Variants in ANAPC1 observed in about 807,000 individuals in gnomAD.
The protein encoded by ANAPC1 is anaphase promoting complex subunit 1, also known as anaphase-promoting complex subunit 1.
In ANAPC1, 36 loss-of-function variants were observed where a neutral mutation model predicts 208.0. The observed-to-expected ratio is 0.17, with a 90% confidence interval of 0.13 to 0.23. The LOEUF (loss-of-function observed/expected upper bound fraction) is 0.23, where lower values mean the gene tolerates loss of function less well. ANAPC1 is among the 10% of genes least tolerant of loss of function. ANAPC1 has a pLI of 1.00. For missense variants in ANAPC1, 942 were observed against 2,011.6 expected, an observed-to-expected ratio of 0.47 and a Z score of 10.17; for synonymous variants, 378 against 695.2, an observed-to-expected ratio of 0.54 and a Z score of 7.18.
chr2:111,847,616 T>C (rs1681164043), intron 15 of ANAPC1, 109 bp downstream of exon 15: 1 of 1,321,144 alleles, frequency 7.6e-7, no homozygotes. Context: ...AATAGATTTT[T>C]TTAAATCATG....
At chr2:111,840,118 A>G (rs1245765224) in intron 17 of ANAPC1, among the ~76,000 whole-genome samples, 1 of 152,228 alleles carries the variant, frequency 6.6e-6, no homozygotes, top group Admixed American at 6.5e-5. Context: ...CGGAAGCCAC[A>G]AAAAGTTAAC....
intron 6 of ANAPC1, among the ~76,000 whole-genome samples, chr2:111,869,246 GTTAT>G (rs1011455821): frequency 6.9e-6 from 1 of 144,772 alleles, no homozygotes; most frequent in South Asian, 2.3e-4. Context: ...ACTGAATCTT[GTTAT>G]TTATTTTTTT....
rs1382661395 is a variant in ANAPC1, at chr2:111,832,065, G to A, written c.2477-631C>T. 3.4e-5 allele frequency among the ~76,000 whole-genome samples: 5 copies of A among 147,790 alleles called. No homozygotes were observed. In the East Asian group the frequency reaches 7.9e-4, roughly 23 times the overall value. On this transcript the variant is annotated intron_variant, in intron 20 of 47. Transcript: ENST00000341068. ...CCCAGCCCCTTGGGAGGCTGAGTCA[G>A]GTGGATCACTTGAGGTCAGGAGTTC... is the stretch of plus-strand genomic sequence containing the variant.
At chr2:111,868,785 G>A (rs1217176426) in intron 6 of ANAPC1, among the ~76,000 whole-genome samples, 13 of 152,084 alleles carry the variant, frequency 8.5e-5, no homozygotes, top group Non-Finnish European at 1.3e-4. Context: ...CACCTGCCTC[G>A]GCCTCCCAGA....
At chr2:111,785,817 T>C (rs1360554788) in intron 39 of ANAPC1, among the ~76,000 whole-genome samples, 1 of 149,708 alleles carries the variant, frequency 6.7e-6, no homozygotes, top group Non-Finnish European at 1.5e-5. Context: ...CTACTCAACA[T>C]AGGCATCTGT....
intron 37 of ANAPC1, 145 bp from the exon 38 acceptor site, chr2:111,792,700 C>T: frequency 1.8e-6 from 1 of 556,840 alleles, no homozygotes; most frequent in South Asian, 2.5e-5. Flanking sequence ...CGCCTGTAAT[C>T]CCAGCACTTT....
In ANAPC1 at chr2:111,791,528, G is replaced by A. The variant is rs189125540; in HGVS notation, c.4712+834C>T. ...GCAAGAAGCATATCCATCAATGGGG[G>A]AGATCAATAAAATGTGGTAGTCATA... On this transcript the variant is annotated intron_variant, in intron 38 of 47. Coordinates refer to ENST00000341068, the MANE Select transcript of ANAPC1 (RefSeq NM_022662.4). 4.1e-4 allele frequency among the ~76,000 whole-genome samples: 62 copies of A among 152,240 alleles called. 1 individual carries two copies. The highest frequency in any genetic ancestry group is 6.2e-4 in the South Asian group (3 of 4,818).
At chr2:111,868,955 A>G (rs1340433949) in intron 6 of ANAPC1, among the ~76,000 whole-genome samples, 1 of 152,214 alleles carries the variant, frequency 6.6e-6, no homozygotes, top group East Asian at 1.9e-4. Flanking sequence ...TACCTCTTGC[A>G]CCACAACATG....
intron 21 of ANAPC1, among the ~76,000 whole-genome samples, 194 bp from the exon 22 acceptor site, chr2:111,826,049 T>G (rs1679814749): frequency 6.6e-6 from 1 of 152,148 alleles, no homozygotes; most frequent in Admixed American, 6.5e-5. Flanking sequence ...GCTTATTATT[T>G]TATATTATTT....
At chr2:111,829,505 G>A (rs149524480) in intron 21 of ANAPC1, among the ~76,000 whole-genome samples, 2,908 of 152,186 alleles carry the variant, frequency 0.019, 36 homozygotes, top group Non-Finnish European at 0.031. Context: ...GCCCACAAGG[G>A]GCCTATGAGC....
rs768015954 is a variant in ANAPC1 at position 111,868,079 on chromosome 2, A to G, written c.629T>C (p.Met210Thr). Residue 210 changes from methionine (M) to threonine (T), a missense_variant, in exon 7 of 48, where the codon ATG (methionine) becomes ACG (threonine). Transcript: ENST00000341068. ...PGSPREPLPT[M>T]FSMLHPLDEI... The stretch of plus-strand genomic sequence containing the variant: ...ATCTAGTGGGTGCAGCATGCTGAAC[A>G]TAGTAGGTAAAGGTTCTCTAGCAAT... The G allele has an allele frequency of 1.9e-6, 3 of 1,595,280 alleles. No homozygotes were observed. Among genetic ancestry groups the G allele is most frequent in the African/African-American group, 2.7e-5 (2 of 74,354 alleles).
At position 111,769,973 on chromosome 2, in the gene ANAPC1, C is replaced by T. The variant is rs1360420641; in HGVS notation, c.5720-567G>A. Among the ~76,000 whole-genome samples the T allele has an allele frequency of 3.3e-5, 5 of 151,822 alleles. No homozygotes were observed. In the South Asian group the frequency reaches 6.2e-4, roughly 19 times the overall value. ...CTGGGATTACAGGCGTGAGCCACTG[C>T]GCCCAGCCTCGGCTGAGCATTCTTA... On this transcript the variant is annotated intron_variant, in intron 47 of 47. Transcript: ENST00000341068.
chr2:111,846,089 C>T (rs1467982661), intron 16 of ANAPC1, among the ~76,000 whole-genome samples: 2 of 151,784 alleles, frequency 1.3e-5, no homozygotes, highest in Admixed American at 1.3e-4. Flanking sequence ...TTCTTGTCTA[C>T]AATCTGCCAA....
At chr2:111,883,208 TAAAAG>T (rs1313793366) in intron 1 of ANAPC1, among the ~76,000 whole-genome samples, 3 of 146,778 alleles carry the variant, frequency 2.0e-5, no homozygotes, top group East Asian at 2.0e-4. Context: ...AAAAAAACCT[TAAAAG>T]AAAACAAAAT....
Position 111,831,319 on chromosome 2 carries a change from A to G in ANAPC1, c.2592T>C (p.Pro864=), listed in dbSNP as rs1408081762. 2.5e-6 allele frequency: 4 copies of G among 1,611,856 alleles called. No individual in the cohort carries two copies. The highest frequency in any genetic ancestry group is 3.4e-6 in the Non-Finnish European group (4 of 1,179,786). The part of the protein sequence containing the change: ...GEGMPPYPYL[P]GICERSRLVV... ...CAAGTCTGCTTCTTTCACAGATTCC[A>G]GGGAGGTAAGGATAAGGTGGCATTC... is the stretch of plus-strand genomic sequence containing the variant. Residue 864 remains proline, a synonymous_variant, in exon 21 of 48, where the codon CCT becomes CCC. Transcript: ENST00000341068.
chr2:111,785,831 T>C (rs1295930235), intron 39 of ANAPC1, among the ~76,000 whole-genome samples: 1 of 147,114 alleles, frequency 6.8e-6, no homozygotes, highest in Non-Finnish European at 1.5e-5. Context: ...CATCTGTTTT[T>C]ATCTTCTCAG....
intron 13 of ANAPC1, among the ~76,000 whole-genome samples, chr2:111,853,998 G>A (rs1286115865): frequency 1.3e-5 from 2 of 152,142 alleles, no homozygotes; most frequent in Non-Finnish European, 2.9e-5. Flanking sequence ...TTACAGGTGT[G>A]AGCTGCCACG....
At chr2:111,769,679 CTTTT>C (rs767767639) in intron 47 of ANAPC1, among the ~76,000 whole-genome samples, 1 of 83,252 alleles carries the variant, frequency 1.2e-5, no homozygotes, top group Admixed American at 1.5e-4. Context: ...TACTGGCTTT[CTTTT>C]TTTTTTTTTT....
At chr2:111,833,372 G>T (rs1013777427) in intron 19 of ANAPC1, 61 bp from the exon 20 acceptor site, 2 of 1,487,282 alleles carry the variant, frequency 1.3e-6, no homozygotes, top group African/African-American at 2.7e-5. Flanking sequence ...AACAGAATTG[G>T]AAGGATTGAT....
Sources: allele counts gnomAD v4.1 joint callset (sites outside exome capture counted in the v4.1 genomes callset), GRCh38; gene constraint gnomAD v4.1.1; transcripts MANE v1.5; gene names NCBI Gene and HGNC (gene_info 2026-07-23, HGNC 2026-07-21).